CNOT1: variants seen among roughly 807,000 people sequenced by gnomAD.
CNOT1 encodes CCR4-NOT transcription complex subunit 1, also known as CCR4-associated factor 1.
Under a neutral mutation model 273.8 loss-of-function variants are expected in CNOT1, and 15 were observed. The ratio of observed to expected loss-of-function variants is 0.05; its 90% CI spans 0.04 to 0.08. The LOEUF is 0.08. CNOT1 is among the 10% of genes least tolerant of loss of function. The probability of loss-of-function intolerance (pLI) is 1.00; values close to 1 mark genes in which losing one functional copy is unlikely to be tolerated. For missense variants in CNOT1, 1,644 were observed against 2,912.2 expected (o/e 0.56, Z 10.02); for synonymous variants, 1,022 against 1,005.5 (o/e 1.02, Z -0.31).
chr16:58,617,598 T>C (rs909896484), intron 1 of CNOT1, among the ~76,000 whole-genome samples: 1 of 152,186 alleles, frequency 6.6e-6, no homozygotes, highest in African/African-American at 2.4e-5. Context: ...TAAGCGATAT[T>C]CAACCTCTAT....
rs1370849094 is a variant in CNOT1 at position 58,575,076 on chromosome 16, A to G, written c.1758T>C (p.Ala586=). ...GTPFAFVIDL[A]ALASRREYLK... ...GGTATTCACGACGTGAAGCAAGTGC[A>G]GCAAGGTCAATAACAAAGGCAAATG... Residue 586 remains alanine, a synonymous_variant, in exon 15 of 49, where the codon GCT becomes GCC. Coordinates refer to ENST00000317147, the MANE Select transcript of CNOT1 (RefSeq NM_016284.5). 6.2e-7 allele frequency: 1 copy of G among 1,614,184 alleles called. No homozygotes were observed. The highest frequency in any genetic ancestry group is 1.1e-5 in the South Asian group (1 of 91,088).
chr16:58,534,086 A>G, intron 40 of CNOT1, 61 bp downstream of exon 40: 1 of 1,309,740 alleles, frequency 7.6e-7, no homozygotes, highest in South Asian at 2.9e-5. Flanking sequence ...ATAATAATAA[A>G]TAAATAAATA....
At chr16:58,541,894 T>C (rs566920656) in intron 33 of CNOT1, among the ~76,000 whole-genome samples, 2 of 152,212 alleles carry the variant, frequency 1.3e-5, no homozygotes, top group Non-Finnish European at 2.9e-5. Flanking sequence ...AATTCTCCCT[T>C]GAAGCTGGTA....
At chr16:58,569,274 C>G (rs1055640497) in intron 16 of CNOT1, among the ~76,000 whole-genome samples, 3 of 151,868 alleles carry the variant, frequency 2.0e-5, no homozygotes, top group African/African-American at 7.2e-5. Flanking sequence ...AGTCGCCCTT[C>G]ACTATGCCTG....
rs1363079859 is a variant in CNOT1 at position 58,542,429 on chromosome 16, G to A, written c.4574C>T (p.Thr1525Ile). 6.2e-7 allele frequency: 1 copy of A among 1,614,054 alleles called. No individual in the cohort carries two copies. The highest frequency in any genetic ancestry group is 1.1e-5 in the South Asian group (1 of 91,076). Residue 1525 changes from threonine to isoleucine, a missense_variant and splice_region_variant, in exon 32 of 49, where the codon ACT becomes ATT. Around this residue, in one of 13 missense-constraint regions of CNOT1, gnomAD observed 133 missense variants for 230.4 expected, o/e 0.58. Coordinates refer to ENST00000317147, the MANE Select transcript of CNOT1 (RefSeq NM_016284.5). ...AGPEMDKRLA[T>I]EFELRKHARQ... Reference sequence around the variant, plus strand: ...AAAAGGCAAATTCTAAACACTTACAGTTGCTAATCTCTTGTCCATCTCAGG... The same window carrying A: ...AAAAGGCAAATTCTAAACACTTACAATTGCTAATCTCTTGTCCATCTCAGG...
intron 1 of CNOT1, among the ~76,000 whole-genome samples, chr16:58,624,403 A>G (rs1453581490): frequency 6.6e-6 from 1 of 152,258 alleles, no homozygotes; most frequent in Non-Finnish European, 1.5e-5. Context: ...ATTTCCCTGT[A>G]ACAACTGTAA....
chr16:58,600,517 T>C lies in CNOT1; in HGVS notation c.-174-1006A>G, dbSNP rs80246262. 2.0e-5 allele frequency among the ~76,000 whole-genome samples: 3 copies of C among 152,336 alleles called. No homozygotes were observed. In the East Asian group the frequency reaches 5.8e-4, roughly 29 times the overall value. On this transcript the variant is annotated intron_variant, in intron 1 of 48. Coordinates refer to ENST00000317147, the MANE Select transcript of CNOT1 (RefSeq NM_016284.5). Reference sequence around the variant, plus strand: ...CTCTCATTTTCAGACTCTCTTTCCATGGTATCTGCGACCTATTTATAAGAC... The same window carrying C: ...CTCTCATTTTCAGACTCTCTTTCCACGGTATCTGCGACCTATTTATAAGAC...
intron 1 of CNOT1, among the ~76,000 whole-genome samples, chr16:58,611,794 C>T (rs2152034915): frequency 6.7e-6 from 1 of 149,548 alleles, no homozygotes. Context: ...GCACTCCAGC[C>T]TGGAAGACAG....
chr16:58,605,299 T>A (rs370786309), intron 1 of CNOT1, among the ~76,000 whole-genome samples: 115 of 152,084 alleles, frequency 7.6e-4, no homozygotes, highest in African/African-American at 2.7e-3. Context: ...GGTCAGGAGT[T>A]CAAGACCAGC....
At chr16:58,599,183 C>T in intron 2 of CNOT1, 53 bp downstream of exon 2, 1 of 1,609,032 alleles carries the variant, frequency 6.2e-7, no homozygotes, top group South Asian at 1.1e-5. Context: ...GGTTTTCTTT[C>T]CACTGTCTAC....
intron 11 of CNOT1, 80 bp from the exon 12 acceptor site, chr16:58,580,840 TCAA>T (rs1322701496): frequency 1.5e-6 from 2 of 1,343,572 alleles, no homozygotes; most frequent in East Asian, 4.9e-5. Flanking sequence ...TAGGCTATTG[TCAA>T]TCTTAAGGTT....
intron 1 of CNOT1, among the ~76,000 whole-genome samples, chr16:58,616,552 C>T (rs997940678): frequency 3.3e-5 from 5 of 152,166 alleles, no homozygotes; most frequent in African/African-American, 1.2e-4. Flanking sequence ...CCACAGCATC[C>T]AGCTGGTTTT....
intron 42 of CNOT1, among the ~76,000 whole-genome samples, chr16:58,531,257 T>C (rs1157675752): frequency 6.6e-6 from 1 of 152,228 alleles, no homozygotes; most frequent in Non-Finnish European, 1.5e-5. Flanking sequence ...CTATTTCACC[T>C]TCTTTGTCAA....
chr16:58,543,598 C>G lies in CNOT1; in HGVS notation c.4434+9G>C, dbSNP rs754059491. 2 of 1,613,996 alleles carry G rather than the reference C, an allele frequency of 1.2e-6. No individual in the cohort carries two copies. The highest frequency in any genetic ancestry group is 3.3e-5 in the Admixed American group (2 of 59,996). ...TTTTGTACCTATACCAAGGAAATAGCCAACTTACACGAAGGGCTGAGGCAA... is the reference window on the plus strand; with the variant it reads ...TTTTGTACCTATACCAAGGAAATAGGCAACTTACACGAAGGGCTGAGGCAA... On this transcript the variant is annotated intron_variant, in intron 31 of 48. Coordinates refer to ENST00000317147, the MANE Select transcript of CNOT1 (RefSeq NM_016284.5).
At chr16:58,543,423 AACAC>A (rs757536811) in intron 31 of CNOT1, 180 bp downstream of exon 31, 2 of 1,490,644 alleles carry the variant, frequency 1.3e-6, no homozygotes, top group Non-Finnish European at 8.9e-7. Context: ...AAAAAAAAAA[AACAC>A]ACAGACATGA....
chr16:58,557,882 C>T (rs1314837746), intron 18 of CNOT1, among the ~76,000 whole-genome samples: 3 of 151,906 alleles, frequency 2.0e-5, no homozygotes, highest in African/African-American at 4.8e-5. Flanking sequence ...CCCAGCTACT[C>T]GGGAGGCTGA....
chr16:58,602,686 A>C (rs2042518087), intron 1 of CNOT1, among the ~76,000 whole-genome samples: 2 of 151,730 alleles, frequency 1.3e-5, no homozygotes, highest in Admixed American at 6.6e-5. Context: ...AGCTGAGATC[A>C]TGCCACCTCA....
intron 47 of CNOT1, among the ~76,000 whole-genome samples, chr16:58,522,237 C>CAAAAAAAAAAAA (rs56149974): frequency 4.1e-5 from 4 of 98,592 alleles, no homozygotes; most frequent in African/African-American, 1.3e-4. Flanking sequence ...GAGACTGTCT[C>CAAAAAAAAAAAA]AAAAAAAAAA....
rs542851745 is a variant in CNOT1, at chr16:58,520,019, C to G, written c.*939G>C. On this transcript the variant is annotated 3_prime_UTR_variant, in exon 49 of 49. Coordinates refer to ENST00000317147, the MANE Select transcript of CNOT1 (RefSeq NM_016284.5). ...TACAAGAAGTAGGGGAGCTGAAGCCCAGGAAAAGGCTACAAAATACAACAC... is the reference window on the plus strand; with the variant it reads ...TACAAGAAGTAGGGGAGCTGAAGCCGAGGAAAAGGCTACAAAATACAACAC... 1 of 152,248 alleles carries G rather than the reference C, an allele frequency of 6.6e-6. No homozygotes were observed. The highest frequency in any genetic ancestry group is 2.1e-4 in the South Asian group (1 of 4,828). 9.4% of individuals were successfully genotyped at this position (152,248 alleles called of 1,614,324 possible).
Sources: gnomAD v4.1 joint callset for allele counts (sites outside exome capture counted in the v4.1 genomes callset) on GRCh38, gnomAD v4.1.1 for gene constraint, gnomAD v4.1.1 regional missense constraint, MANE v1.5 for transcripts, NCBI Gene and HGNC (gene_info 2026-07-23, HGNC 2026-07-21) for gene names.